The following CFAP54 variants were observed in gnomAD, a reference collection of about 807,000 sequenced individuals.
CFAP54 encodes the protein cilia and flagella associated protein 54.
In CFAP54, 290 loss-of-function variants were observed where a neutral mutation model predicts 370.4. That is an observed-to-expected ratio of 0.78 (90% CI 0.71 to 0.86). The LOEUF (loss-of-function observed/expected upper bound fraction) is 0.86, where lower values mean the gene tolerates loss of function less well. Among genes scored for constraint, CFAP54 ranks in the 40% least tolerant of loss-of-function variants. The pLI, the probability that CFAP54 is intolerant of heterozygous loss-of-function variation, is 0.00. For synonymous variants in CFAP54, 1,206 were observed against 1,236.5 expected (o/e 0.98, Z 0.52); for missense variants, 3,399 against 3,528.7 (o/e 0.96, Z 0.93).
At chr12:96,826,527 T>C (rs1280755440) in intron 65 of CFAP54, among the ~76,000 whole-genome samples, 1 of 72,194 alleles carries the variant, frequency 1.4e-5, no homozygotes, top group Non-Finnish European at 2.5e-5. Flanking sequence ...ATATAATATA[T>C]TATATATTAT....
intron 66 of CFAP54, among the ~76,000 whole-genome samples, chr12:96,857,267 C>A (rs1565763449): frequency 6.6e-6 from 1 of 152,200 alleles, no homozygotes; most frequent in Non-Finnish European, 1.5e-5. Context: ...CAATAGTTAT[C>A]TTTTCTGTTC....
chr12:96,721,605 C>G (rs1276136628), intron 50 of CFAP54, among the ~76,000 whole-genome samples: 1 of 152,106 alleles, frequency 6.6e-6, no homozygotes, highest in Non-Finnish European at 1.5e-5. Flanking sequence ...TCATGAGGTC[C>G]TCTGACACAT....
chr12:96,867,885 G>A (rs931712174), intron 67 of CFAP54, among the ~76,000 whole-genome samples: 6 of 152,048 alleles, frequency 3.9e-5, no homozygotes, highest in Non-Finnish European at 8.8e-5. Context: ...ATTGCTGAGA[G>A]AAGATCTTAA....
intron 44 of CFAP54, 55 bp downstream of exon 44, chr12:96,691,365 A>C: frequency 7.7e-7 from 1 of 1,305,574 alleles, no homozygotes; most frequent in South Asian, 1.5e-5. Flanking sequence ...TGCTCCACTT[A>C]CCTCATACTT....
intron 14 of CFAP54, among the ~76,000 whole-genome samples, chr12:96,544,601 A>C (rs1955617925): frequency 6.6e-6 from 1 of 152,184 alleles, no homozygotes; most frequent in African/African-American, 2.4e-5. Context: ...CATAAGACTC[A>C]TTTCAGAAGG....
Position 96,789,181 on chromosome 12 carries a change from G to C in CFAP54, c.8679+2283G>C, listed in dbSNP as rs758190405. 1.8e-4 allele frequency among the ~76,000 whole-genome samples: 27 copies of C among 152,290 alleles called. No individual in the cohort carries two copies. In the South Asian group the frequency reaches 2.1e-3, roughly 12 times the overall value. On this transcript the variant is annotated intron_variant, in intron 62 of 67. Transcript: ENST00000524981. The stretch of plus-strand genomic sequence containing the variant: ...TAAAATCTGTTGCGTGAGGAGCAGA[G>C]AGTGTTCACTTCCTGCAAACATTTT...
At chr12:96,807,203 A>G (rs1958891029) in intron 63 of CFAP54, among the ~76,000 whole-genome samples, 1 of 152,200 alleles carries the variant, frequency 6.6e-6, no homozygotes. Flanking sequence ...TGAGGAAGTA[A>G]GGTCCCATGT....
At chr12:96,793,061 T>A (rs1958719589) in intron 63 of CFAP54, among the ~76,000 whole-genome samples, 1 of 152,084 alleles carries the variant, frequency 6.6e-6, no homozygotes, top group African/African-American at 2.4e-5. Context: ...TATTATTTTT[T>A]AATTTCAATA....
intron 66 of CFAP54, among the ~76,000 whole-genome samples, chr12:96,833,004 A>G (rs1266202647): frequency 6.6e-6 from 1 of 152,214 alleles, no homozygotes; most frequent in Non-Finnish European, 1.5e-5. Context: ...GAACACACCT[A>G]TTACAAATTA....
At chr12:96,852,377 G>A (rs1426787593) in intron 66 of CFAP54, among the ~76,000 whole-genome samples, 1 of 151,968 alleles carries the variant, frequency 6.6e-6, no homozygotes, top group Non-Finnish European at 1.5e-5. Flanking sequence ...TATATAATAA[G>A]TCCAGGAAGA....
At chr12:96,638,245 A>G (rs375963558) in intron 32 of CFAP54, among the ~76,000 whole-genome samples, 10,408 of 44,236 alleles carry the variant, frequency 0.24, 587 homozygotes, top group Admixed American at 0.35. Flanking sequence ...GTGTGTGTAT[A>G]TATATATATA....
At chr12:96,640,607 T>G (rs972702904) in intron 32 of CFAP54, among the ~76,000 whole-genome samples, 23 of 152,172 alleles carry the variant, frequency 1.5e-4, no homozygotes, top group Non-Finnish European at 2.8e-4. Context: ...AAAAAGAGCC[T>G]GCATTGCCAA....
Position 96,527,334 on chromosome 12 carries a change from T to G in CFAP54, c.1247T>G (p.Leu416Arg). ...CAGTTTCTGGCTGTCTTGGAAGCTC[T>G]TTCTGATTCAAATAGGCGAATACTG... ...ASQFLAVLEALSDSNRRILQT... is the reference protein window; with the variant it reads ...ASQFLAVLEARSDSNRRILQT... The change falls in exon 9 of 68, where the codon CTT becomes CGT. Residue 416 changes from leucine (L) to arginine (R), a missense_variant. Coordinates refer to ENST00000524981, the MANE Select transcript of CFAP54 (RefSeq NM_001306084.2). The G allele has an allele frequency of 6.5e-7, 1 of 1,536,040 alleles. No individual in the cohort carries two copies. Among genetic ancestry groups the G allele is most frequent in the Non-Finnish European group, 8.7e-7 (1 of 1,146,792 alleles).
chr12:96,712,848 C>A (rs1033535217), intron 48 of CFAP54, among the ~76,000 whole-genome samples: 16 of 151,872 alleles, frequency 1.1e-4, no homozygotes, highest in African/African-American at 3.9e-4. Flanking sequence ...AAAAGAAACA[C>A]AAGTAATTAA....
intron 4 of CFAP54, among the ~76,000 whole-genome samples, chr12:96,508,747 T>G (rs1359999020): frequency 6.6e-6 from 1 of 151,994 alleles, no homozygotes; most frequent in East Asian, 1.9e-4. Flanking sequence ...TTGTGGGGTT[T>G]TAGAATCTAG....
chr12:96,599,011 A>G (rs1050731432), intron 26 of CFAP54, among the ~76,000 whole-genome samples: 4 of 151,808 alleles, frequency 2.6e-5, no homozygotes, highest in Non-Finnish European at 4.4e-5. Context: ...ATATCTATCT[A>G]TATATTTATT....
intron 36 of CFAP54, among the ~76,000 whole-genome samples, chr12:96,655,901 A>G (rs1473085317): frequency 6.6e-6 from 1 of 152,134 alleles, no homozygotes; most frequent in Non-Finnish European, 1.5e-5. Context: ...ATAGTATTGT[A>G]GTTATGTTTT....
At chr12:96,506,570 TTTTTCTTTCTTTTC>T (rs1390344588) in intron 3 of CFAP54, among the ~76,000 whole-genome samples, 1 of 148,580 alleles carries the variant, frequency 6.7e-6, no homozygotes, top group East Asian at 2.0e-4. Context: ...TTCTTCCTTC[TTTTTCTTTCTTTTC>T]TTTTCTTTTT....
chr12:96,835,055 G>C (rs1245024138), intron 66 of CFAP54, among the ~76,000 whole-genome samples: 2 of 152,074 alleles, frequency 1.3e-5, no homozygotes, highest in Non-Finnish European at 2.9e-5. Flanking sequence ...TCTCAGCAGA[G>C]AGGAGGCTGT....
Sources: allele counts gnomAD v4.1 joint callset (sites outside exome capture counted in the v4.1 genomes callset), GRCh38; gene constraint gnomAD v4.1.1; transcripts MANE v1.5; gene names NCBI Gene and HGNC (gene_info 2026-07-23, HGNC 2026-07-21).